Variants in TBC1D32 observed in about 807,000 individuals in gnomAD.
TBC1D32 encodes the protein protein broad-minded.
In TBC1D32, 151 loss-of-function variants were observed where a neutral mutation model predicts 170.3. The ratio of observed to expected loss-of-function variants is 0.89; its 90% CI spans 0.78 to 1.01. The LOEUF (loss-of-function observed/expected upper bound fraction) is 1.01. Among genes scored for constraint, TBC1D32 ranks in the 50% least tolerant of loss-of-function variants. The pLI is 0.00. For synonymous variants in TBC1D32, 498 were observed against 488.0 expected, an observed-to-expected ratio of 1.02 and a Z score of -0.27; for missense variants, 1,464 against 1,457.1, an observed-to-expected ratio of 1.00 and a Z score of -0.08.
intron 21 of TBC1D32, among the ~76,000 whole-genome samples, chr6:121,213,239 A>AG (rs913707236): frequency 6.6e-6 from 1 of 152,122 alleles, no homozygotes; most frequent in Non-Finnish European, 1.5e-5. Context: ...TCATCCAAAT[A>AG]GGAAGACAGG....
rs111326375 is a variant in TBC1D32, at chr6:121,142,334, G to C, written c.2774-10582C>G. 8.8e-3 allele frequency among the ~76,000 whole-genome samples: 1,336 copies of C among 152,324 alleles called. 10 individuals carry two copies. The highest frequency in any genetic ancestry group is 0.041 in the South Asian group (198 of 4,824). On this transcript the variant is annotated intron_variant, in intron 24 of 31. Transcript: ENST00000398212. ...AACCTTGTGAGTCAGCGCCACTTCG[G>C]ATGTTCTATTGGTCTCATTAGTAGC...
At chr6:121,206,533 A>G (rs972952454) in intron 21 of TBC1D32, among the ~76,000 whole-genome samples, 3 of 152,220 alleles carry the variant, frequency 2.0e-5, no homozygotes, top group Non-Finnish European at 4.4e-5. Flanking sequence ...AAAGAAAATA[A>G]TAGATATTTC....
intron 24 of TBC1D32, among the ~76,000 whole-genome samples, chr6:121,132,818 T>C (rs1781585903): frequency 6.6e-6 from 1 of 151,940 alleles, no homozygotes. Context: ...GATTTTATTT[T>C]TAAAAAATCA....
chr6:121,161,791 C>T (rs1019495725), intron 22 of TBC1D32, among the ~76,000 whole-genome samples: 3 of 152,154 alleles, frequency 2.0e-5, no homozygotes, highest in South Asian at 2.1e-4. Context: ...AACTAATTTA[C>T]ACTCCCAACA....
At position 121,223,352 on chromosome 6, in the gene TBC1D32, A is replaced by G; in HGVS notation, c.2365T>C (p.Ser789Pro). 6.4e-7 allele frequency: 1 copy of G among 1,568,144 alleles called. No homozygotes were observed. Among genetic ancestry groups the G allele is most frequent in the Non-Finnish European group, 8.7e-7 (1 of 1,152,314 alleles). The change falls in exon 21 of 32, where the codon TCT becomes CCT. Residue 789 changes from serine to proline, a missense_variant and splice_region_variant. This residue lies in a region of TBC1D32 where 1,363 missense variants were observed against 1,338.1 expected (regional missense o/e 1.02). Coordinates refer to ENST00000398212, the MANE Select transcript of TBC1D32 (RefSeq NM_152730.6). ...AACAAGTTCACCAGTGCTAAAAAAG[A>G]CTAGAGGGAAAGAAAACAGTCATTT... Reference protein sequence around the residue: ...VDPIDRSCQKSFLALVNLLSY... With the variant: ...VDPIDRSCQKPFLALVNLLSY...
At chr6:121,092,729 A>G (rs1776961007) in intron 30 of TBC1D32, among the ~76,000 whole-genome samples, 1 of 152,090 alleles carries the variant, frequency 6.6e-6, no homozygotes, top group South Asian at 2.1e-4. Context: ...TCTGTGTCCC[A>G]ATTTCCGCTT....
intron 31 of TBC1D32, among the ~76,000 whole-genome samples, chr6:121,089,512 G>T (rs181118007): frequency 8.5e-5 from 13 of 152,160 alleles, no homozygotes; most frequent in Admixed American, 7.9e-4. Context: ...ATTTCAATTT[G>T]CTTAACACTT....
At chr6:121,172,842 G>A (rs1361700397) in intron 22 of TBC1D32, among the ~76,000 whole-genome samples, 1 of 152,078 alleles carries the variant, frequency 6.6e-6, no homozygotes, top group Non-Finnish European at 1.5e-5. Context: ...ATAGCATTTG[G>A]GTTGGGGATT....
intron 5 of TBC1D32, among the ~76,000 whole-genome samples, chr6:121,305,494 T>C (rs1365207244): frequency 1.3e-5 from 2 of 151,856 alleles, no homozygotes; most frequent in Non-Finnish European, 2.9e-5. Flanking sequence ...AATTCAACTT[T>C]CCATTAAATA....
Position 121,252,740 on chromosome 6 carries a change from T to TA in TBC1D32, c.2018+2587dup, listed in dbSNP as rs566434658. ...ATCCCAGAACTTAATGTATAATAAA[T>TA]AAAAAAATAAAAACAGACATGTAGA... On this transcript the variant is annotated intron_variant, in intron 17 of 31. Coordinates refer to ENST00000398212, the MANE Select transcript of TBC1D32 (RefSeq NM_152730.6). 2.1e-3 allele frequency among the ~76,000 whole-genome samples: 317 copies of TA among 151,350 alleles called. 1 individual carries two copies. Among genetic ancestry groups the TA allele is most frequent in the African/African-American group, 7.4e-3 (305 of 41,128 alleles).
intron 20 of TBC1D32, among the ~76,000 whole-genome samples, chr6:121,234,657 T>G (rs541432536): frequency 2.6e-5 from 4 of 152,286 alleles, no homozygotes; most frequent in Admixed American, 2.0e-4. Flanking sequence ...GGACTTCATC[T>G]TTCTCTGATG....
intron 31 of TBC1D32, among the ~76,000 whole-genome samples, chr6:121,087,571 T>C (rs758921579): frequency 6.6e-6 from 1 of 152,216 alleles, no homozygotes; most frequent in African/African-American, 2.4e-5. Context: ...GAATTGTGTA[T>C]CTTCACTTCC....
intron 27 of TBC1D32, among the ~76,000 whole-genome samples, chr6:121,113,420 T>C (rs144661988): frequency 2.6e-5 from 4 of 152,296 alleles, no homozygotes; most frequent in Admixed American, 2.0e-4. Context: ...ATGAAACGTA[T>C]AATATAAGCA....
intron 3 of TBC1D32, among the ~76,000 whole-genome samples, chr6:121,314,266 C>T (rs1808627223): frequency 6.6e-6 from 1 of 152,220 alleles, no homozygotes; most frequent in Admixed American, 6.5e-5. Flanking sequence ...TCCTGGGTTT[C>T]TCTTACACAG....
At chr6:121,238,694 T>G (rs920437039) in intron 20 of TBC1D32, among the ~76,000 whole-genome samples, 18 of 152,104 alleles carry the variant, frequency 1.2e-4, no homozygotes, top group Admixed American at 1.2e-3. Flanking sequence ...TTCTATTAGA[T>G]TCAAGCTATA....
chr6:121,110,834 T>C (rs1205060679), intron 29 of TBC1D32, among the ~76,000 whole-genome samples: 1 of 152,210 alleles, frequency 6.6e-6, no homozygotes, highest in African/African-American at 2.4e-5. Context: ...TAGCTAACAG[T>C]TCTAGATAGA....
At chr6:121,291,941 T>C (rs1051258628) in intron 12 of TBC1D32, 112 bp downstream of exon 12, 2 of 1,142,480 alleles carry the variant, frequency 1.8e-6, no homozygotes, top group Admixed American at 3.7e-5. Flanking sequence ...GACTAAAAGG[T>C]ATGTAGCTAA....
chr6:121,183,471 T>G (rs1190555391), intron 22 of TBC1D32, among the ~76,000 whole-genome samples: 1 of 152,030 alleles, frequency 6.6e-6, no homozygotes, highest in Non-Finnish European at 1.5e-5. Flanking sequence ...AGGAAAGCAT[T>G]TGTACACTTG....
intron 13 of TBC1D32, among the ~76,000 whole-genome samples, chr6:121,283,179 CAGCAATTCTAG>C (rs1803287773): frequency 6.6e-6 from 1 of 151,748 alleles, no homozygotes; most frequent in Non-Finnish European, 1.5e-5. Context: ...GAATTTGTGT[CAGCAATTCTAG>C]GGTTATTTCC....
Sources: gnomAD v4.1 joint callset for allele counts (sites outside exome capture counted in the v4.1 genomes callset) on GRCh38, gnomAD v4.1.1 for gene constraint, gnomAD v4.1.1 regional missense constraint, MANE v1.5 for transcripts, NCBI Gene and HGNC (gene_info 2026-07-23, HGNC 2026-07-21) for gene names.